ANO3: variants seen among roughly 807,000 people sequenced by gnomAD.
ANO3 encodes the protein anoctamin 3.
ANO3 carries 99 observed loss-of-function variants against 144.8 expected under a neutral mutation model. The observed-to-expected ratio is 0.68, with a 90% CI of 0.58 to 0.81. The LOEUF (loss-of-function observed/expected upper bound fraction) is 0.81, where lower values mean the gene tolerates loss of function less well. Ranked by LOEUF, ANO3 falls within the 30% of genes least tolerant of loss-of-function variation. ANO3 has a pLI of 0.00. For missense variants in ANO3, 905 were observed against 1,202.2 expected (o/e 0.75, Z 3.66); for synonymous variants, 414 against 392.6 (o/e 1.05, Z -0.64).
At chr11:26,366,962 A>C (rs1021699366) in intron 1 of ANO3, among the ~76,000 whole-genome samples, 1 of 152,206 alleles carries the variant, frequency 6.6e-6, no homozygotes, top group Non-Finnish European at 1.5e-5. Flanking sequence ...AAACATCTAC[A>C]ACTATCTGAT....
chr11:26,335,774 A>G (rs993426501), intron 1 of ANO3, among the ~76,000 whole-genome samples: 1 of 152,172 alleles, frequency 6.6e-6, no homozygotes, highest in East Asian at 1.9e-4. Context: ...TACTATAGGA[A>G]GTTTGAGAGA....
At chr11:26,401,908 A>G (rs1046588208) in intron 1 of ANO3, among the ~76,000 whole-genome samples, 1 of 152,024 alleles carries the variant, frequency 6.6e-6, no homozygotes, top group Non-Finnish European at 1.5e-5. Flanking sequence ...GCTGTTCTGA[A>G]ATAAATTATG....
At chr11:26,194,017 C>G (rs1003592739) in intron 1 of ANO3, among the ~76,000 whole-genome samples, 14 of 152,146 alleles carry the variant, frequency 9.2e-5, no homozygotes, top group African/African-American at 3.4e-4. Context: ...TAAAAAATCC[C>G]TACCTCATGG....
intron 1 of ANO3, among the ~76,000 whole-genome samples, chr11:26,325,293 T>G (rs1590261412): frequency 1.3e-5 from 2 of 152,198 alleles, no homozygotes; most frequent in Non-Finnish European, 2.9e-5. Context: ...CTAGCTGAAT[T>G]TTGCACATAG....
chr11:26,348,169 T>C (rs1343009426), intron 1 of ANO3, among the ~76,000 whole-genome samples: 1 of 152,218 alleles, frequency 6.6e-6, no homozygotes, highest in Non-Finnish European at 1.5e-5. Flanking sequence ...GAAAGAAGCA[T>C]ACATCTGAAA....
At chr11:26,277,423 T>C (rs1853581863) in intron 1 of ANO3, among the ~76,000 whole-genome samples, 1 of 152,116 alleles carries the variant, frequency 6.6e-6, no homozygotes, top group African/African-American at 2.4e-5. Flanking sequence ...CATATTGTCA[T>C]CTTACCTCCC....
chr11:26,262,288 C>T (rs1024811430), intron 1 of ANO3, among the ~76,000 whole-genome samples: 3 of 152,158 alleles, frequency 2.0e-5, no homozygotes, highest in Non-Finnish European at 4.4e-5. Context: ...AAGTAACCTA[C>T]CATCCTGTCA....
intron 17 of ANO3, among the ~76,000 whole-genome samples, 157 bp downstream of exon 17, chr11:26,599,871 A>ATCTT (rs1434857490): frequency 6.6e-6 from 1 of 152,172 alleles, no homozygotes; most frequent in Non-Finnish European, 1.5e-5. Context: ...AAAAGATTTC[A>ATCTT]TCTTTGTAGT....
chr11:26,639,385 C>T (rs920173750), intron 21 of ANO3, 144 bp downstream of exon 21: 1 of 623,674 alleles, frequency 1.6e-6, no homozygotes, highest in Admixed American at 2.7e-5. Flanking sequence ...TAAATGTCTG[C>T]CCATGTGTAA....
chr11:26,386,369 A>G (rs1171224178), intron 1 of ANO3, among the ~76,000 whole-genome samples: 1 of 152,144 alleles, frequency 6.6e-6, no homozygotes, highest in Non-Finnish European at 1.5e-5. Flanking sequence ...CATCCATCAT[A>G]GTGCTTGTTA....
intron 1 of ANO3, among the ~76,000 whole-genome samples, chr11:26,351,404 T>A (rs1285728510): frequency 6.6e-6 from 1 of 152,196 alleles, no homozygotes; most frequent in African/African-American, 2.4e-5. Flanking sequence ...TATTTTATTT[T>A]TTCATTTTTA....
chr11:26,372,760 T>C (rs910210172), intron 1 of ANO3, among the ~76,000 whole-genome samples: 2 of 152,238 alleles, frequency 1.3e-5, no homozygotes, highest in East Asian at 1.9e-4. Flanking sequence ...CGAATGGTGA[T>C]TGGTGCCAAA....
chr11:26,210,766 T>G (rs112866565), intron 1 of ANO3, among the ~76,000 whole-genome samples: 45,951 of 152,026 alleles, frequency 0.3, 7,683 homozygotes, highest in Non-Finnish European at 0.37. Flanking sequence ...AGTTCCCTCA[T>G]GATTTGGTTC....
At chr11:26,559,835 T>TACACACACAC (rs71047866) in intron 14 of ANO3, 56 bp downstream of exon 14, 33 of 661,938 alleles carry the variant, frequency 5.0e-5, no homozygotes, top group African/African-American at 1.3e-4. Flanking sequence ...GTTTCTGTGT[T>TACACACACAC]ACACACACAC....
At position 26,531,611 on chromosome 11, in the gene ANO3, G is replaced by T. The variant is rs547939776; in HGVS notation, c.869+275G>T. Among the ~76,000 whole-genome samples, 92 of 152,122 alleles carry T rather than the reference G, an allele frequency of 6.0e-4. 1 individual carries two copies. Among genetic ancestry groups the T allele is most frequent in the African/African-American group, 2.1e-3 (86 of 41,504 alleles). On this transcript the variant is annotated intron_variant, in intron 8 of 26. Transcript: ENST00000256737. ...TAACACTTTAAAAATAATTACTGTA[G>T]TAGTGACTCAGTTAAAATAACAATA... is the stretch of plus-strand genomic sequence containing the variant.
At chr11:26,570,902 G>A (rs1028097117) in intron 14 of ANO3, among the ~76,000 whole-genome samples, 50 of 152,192 alleles carry the variant, frequency 3.3e-4, no homozygotes, top group African/African-American at 1.2e-3. Flanking sequence ...GGTTTTGGAA[G>A]CGTAACCAAC....
intron 1 of ANO3, among the ~76,000 whole-genome samples, chr11:26,419,226 G>T (rs1857682921): frequency 6.6e-6 from 1 of 152,104 alleles, no homozygotes; most frequent in African/African-American, 2.4e-5. Flanking sequence ...TCTATCATGA[G>T]AACAGCACTA....
At chr11:26,606,450 G>T (rs952770271) in intron 17 of ANO3, among the ~76,000 whole-genome samples, 1 of 152,136 alleles carries the variant, frequency 6.6e-6, no homozygotes, top group Non-Finnish European at 1.5e-5. Context: ...GATCTGCATG[G>T]TCCAGAGCTG....
intron 1 of ANO3, among the ~76,000 whole-genome samples, chr11:26,219,081 C>T (rs1230619721): frequency 1.3e-5 from 2 of 152,148 alleles, no homozygotes; most frequent in Non-Finnish European, 2.9e-5. Flanking sequence ...TATTTAGTAA[C>T]ATCCCTGGAA....
Sources: gnomAD v4.1 joint callset for allele counts (sites outside exome capture counted in the v4.1 genomes callset) on GRCh38, gnomAD v4.1.1 for gene constraint, MANE v1.5 for transcripts, NCBI Gene and HGNC (gene_info 2026-07-23, HGNC 2026-07-21) for gene names.